PCDHGA9: variants seen among roughly 807,000 people sequenced by gnomAD.
PCDHGA9 encodes protocadherin gamma subfamily A, 9, also known as protocadherin gamma-A9.
Under a neutral mutation model 62.5 loss-of-function variants are expected in PCDHGA9, and 37 were observed. That is an observed-to-expected ratio of 0.59 (90% confidence interval 0.46 to 0.78). The LOEUF (loss-of-function observed/expected upper bound fraction) is 0.78. Among genes scored for constraint, PCDHGA9 ranks in the 30% least tolerant of loss-of-function variants. The pLI, the probability that PCDHGA9 is intolerant of heterozygous loss-of-function variation, is 0.00. For missense variants in PCDHGA9, 1,138 were observed against 1,166.2 expected (o/e 0.98, Z 0.35); for synonymous variants, 459 against 484.6 (o/e 0.95, Z 0.69).
chr5:141,414,702 A>G, intron 1 of PCDHGA9: 1 of 1,613,974 alleles, frequency 6.2e-7, no homozygotes, highest in Non-Finnish European at 8.5e-7. Context: ...CCTCATACAT[A>G]TCCATCAACT....
At chr5:141,481,356 T>A (rs1214829594) in intron 1 of PCDHGA9, among the ~76,000 whole-genome samples, 1 of 152,260 alleles carries the variant, frequency 6.6e-6, no homozygotes, top group East Asian at 1.9e-4. Context: ...CATCTACAGC[T>A]GTTCAATAGA....
At chr5:141,463,773 C>A (rs2099069188) in intron 1 of PCDHGA9, among the ~76,000 whole-genome samples, 1 of 152,088 alleles carries the variant, frequency 6.6e-6, no homozygotes, top group Non-Finnish European at 1.5e-5. Context: ...GGGTTAGAAT[C>A]CTGCACTGTC....
rs764579211 is a variant in PCDHGA9 at position 141,489,393 on chromosome 5, T to C, written c.2425-5414T>C. 1.9e-5 allele frequency: 30 copies of C among 1,614,098 alleles called. No individual in the cohort carries two copies. In the South Asian group the frequency reaches 3.3e-4, roughly 18 times the overall value. On this transcript the variant is annotated intron_variant, in intron 1 of 3. Coordinates refer to ENST00000573521, the MANE Select transcript of PCDHGA9 (RefSeq NM_018921.3). The surrounding 1 kb of genome is among the most constrained non-coding windows in gnomAD (Gnocchi z 4.5). ...CGCTGGTGGGGAATGTTGCTCAGGA[T>C]CTGGGCTTAAAGATGACAGATCTGT...
At chr5:141,460,596 C>G (rs930441447) in intron 1 of PCDHGA9, among the ~76,000 whole-genome samples, 2 of 151,986 alleles carry the variant, frequency 1.3e-5, no homozygotes, top group Non-Finnish European at 2.9e-5. Flanking sequence ...TTTCTGGGCT[C>G]TCTGTGTTAG....
chr5:141,489,405 G>A lies in PCDHGA9; in HGVS notation c.2425-5402G>A. ...ATGTTGCTCAGGATCTGGGCTTAAA[G>A]ATGACAGATCTGTTGAGCCGGCGGC... On this transcript the variant is annotated intron_variant, in intron 1 of 3. Transcript: ENST00000573521. This position sits in a 1 kb window ranked among gnomAD's most constrained non-coding sequence, Gnocchi z 4.5. The A allele has an allele frequency of 1.2e-6, 2 of 1,614,204 alleles. No individual in the cohort carries two copies. The highest frequency in any genetic ancestry group is 2.2e-5 in the South Asian group (2 of 91,088).
chr5:141,490,132 A>G lies in PCDHGA9; in HGVS notation c.2425-4675A>G, dbSNP rs1245562757. The G allele has an allele frequency of 3.7e-6, 6 of 1,614,102 alleles. No homozygotes were observed. In the African/African-American group the frequency reaches 4.0e-5, roughly 11 times the overall value. ...GCGGAACCTCTTTGGCCTAGACCCTAGCAGTGGGGCAATCCATGTGTTGGG... is the reference window on the plus strand; with the variant it reads ...GCGGAACCTCTTTGGCCTAGACCCTGGCAGTGGGGCAATCCATGTGTTGGG... On this transcript the variant is annotated intron_variant, in intron 1 of 3. Coordinates refer to ENST00000573521, the MANE Select transcript of PCDHGA9 (RefSeq NM_018921.3). The surrounding 1 kb of genome is among the most constrained non-coding windows in gnomAD (Gnocchi z 5.4).
At chr5:141,503,089 G>C (rs1352372525) in intron 2 of PCDHGA9, among the ~76,000 whole-genome samples, 2 of 151,590 alleles carry the variant, frequency 1.3e-5, no homozygotes, top group Non-Finnish European at 2.9e-5. Context: ...TCCTGACCTC[G>C]TGGTCTGCCC....
Position 141,403,652 on chromosome 5 carries a change from G to C in PCDHGA9, c.700G>C (p.Asp234His). ...STVRIHVTVLDTNDNAPVFAQ... is the reference protein window; with the variant it reads ...STVRIHVTVLHTNDNAPVFAQ... ...AGTGCGCATCCATGTGACAGTGTTG[G>C]ATACAAATGATAATGCCCCGGTTTT... Residue 234 changes from aspartate (D) to histidine (H), a missense_variant, in exon 1 of 4, where the codon GAT (aspartate) becomes CAT (histidine). Transcript: ENST00000573521. The C allele has an allele frequency of 6.2e-7, 1 of 1,613,908 alleles. No individual in the cohort carries two copies. The highest frequency in any genetic ancestry group is 1.1e-5 in the South Asian group (1 of 91,084).
intron 1 of PCDHGA9, chr5:141,408,084 G>A (rs564149257): frequency 7.5e-5 from 106 of 1,418,874 alleles, no homozygotes; most frequent in Middle Eastern, 2.5e-4. Context: ...CCAGCACAGC[G>A]GATTGCCAGC....
chr5:141,413,188 A>C, intron 1 of PCDHGA9: 4 of 1,606,680 alleles, frequency 2.5e-6, no homozygotes, highest in Non-Finnish European at 3.4e-6. Flanking sequence ...GGCCGCTCAA[A>C]GGAATCGCTC....
intron 1 of PCDHGA9, chr5:141,413,350 G>A: frequency 6.2e-7 from 1 of 1,613,974 alleles, no homozygotes; most frequent in Non-Finnish European, 8.5e-7. Context: ...CTTGGGTCTG[G>A]CGCCCCGGGA....
In PCDHGA9 at chr5:141,485,234, T is replaced by A. The variant is rs780126313; in HGVS notation, c.2425-9573T>A. 1 of 1,614,124 alleles carries A rather than the reference T, an allele frequency of 6.2e-7. No homozygotes were observed. The highest frequency in any genetic ancestry group is 1.1e-5 in the South Asian group (1 of 91,080). On this transcript the variant is annotated intron_variant, in intron 1 of 3. Transcript: ENST00000573521. This position sits in a 1 kb window ranked among gnomAD's most constrained non-coding sequence, Gnocchi z 5.7. ...GCGGTGGGCTACCCTTTTGTTCCTC[T>A]TTTACCACCTGGGTTACGTTTGTGG...
At chr5:141,408,308 T>C in intron 1 of PCDHGA9, 1 of 1,613,744 alleles carries the variant, frequency 6.2e-7, no homozygotes, top group South Asian at 1.1e-5. Flanking sequence ...GATCCGCTAC[T>C]CGATTCCGGA....
intron 3 of PCDHGA9, among the ~76,000 whole-genome samples, chr5:141,507,809 C>T (rs866898784): frequency 2.0e-5 from 3 of 152,206 alleles, no homozygotes; most frequent in Non-Finnish European, 2.9e-5. Flanking sequence ...CCCTGGGGAA[C>T]GGACCCTGGG....
Position 141,490,271 on chromosome 5 carries a change from A to G in PCDHGA9, c.2425-4536A>G, listed in dbSNP as rs750463186. 6.8e-6 allele frequency: 11 copies of G among 1,614,246 alleles called. No homozygotes were observed. Among genetic ancestry groups the G allele is most frequent in the Non-Finnish European group, 8.5e-6 (10 of 1,180,054 alleles). On this transcript the variant is annotated intron_variant, in intron 1 of 3. Coordinates refer to ENST00000573521, the MANE Select transcript of PCDHGA9 (RefSeq NM_018921.3). The surrounding 1 kb of genome is among the most constrained non-coding windows in gnomAD (Gnocchi z 5.4). The stretch of plus-strand genomic sequence containing the variant: ...ATTCAAGTGGATGTGGGGGATGTCA[A>G]TGACAATGCCCCAGAGGTGCTATTG...
intron 1 of PCDHGA9, among the ~76,000 whole-genome samples, chr5:141,444,400 A>G (rs1400847351): frequency 1.3e-5 from 2 of 151,536 alleles, no homozygotes; most frequent in Admixed American, 6.6e-5. Flanking sequence ...TGAACTCCCA[A>G]CCTCAGGTGA....
intron 1 of PCDHGA9, chr5:141,421,700 C>G: frequency 6.2e-7 from 1 of 1,613,900 alleles, no homozygotes; most frequent in Non-Finnish European, 8.5e-7. Context: ...CTTCCTAATG[C>G]TAGGGATCCA....
intron 2 of PCDHGA9, among the ~76,000 whole-genome samples, chr5:141,495,296 T>TCCTCCAGAG (rs998633800): frequency 1.3e-5 from 2 of 152,054 alleles, no homozygotes; most frequent in Non-Finnish European, 2.9e-5. Flanking sequence ...ACTCAGCGCC[T>TCCTCCAGAG]CCTCCAGAGC....
At position 141,486,045 on chromosome 5, in the gene PCDHGA9, A is replaced by G. The variant is rs2099623524; in HGVS notation, c.2425-8762A>G. The G allele has an allele frequency of 4.3e-6, 7 of 1,613,428 alleles. No individual in the cohort carries two copies. The highest frequency in any genetic ancestry group is 5.1e-6 in the Non-Finnish European group (6 of 1,179,858). ...GGTCATACCCCTGATCGTGTAAGAA[A>G]CCTCTTTAGCCTGCACCCCACTACT... On this transcript the variant is annotated intron_variant, in intron 1 of 3. Coordinates refer to ENST00000573521, the MANE Select transcript of PCDHGA9 (RefSeq NM_018921.3). This position sits in a 1 kb window ranked among gnomAD's most constrained non-coding sequence, Gnocchi z 5.0.
Sources: allele counts gnomAD v4.1 joint callset (sites outside exome capture counted in the v4.1 genomes callset), GRCh38; gene constraint gnomAD v4.1.1; non-coding constraint Gnocchi (gnomAD v3.1); transcripts MANE v1.5; gene names NCBI Gene and HGNC (gene_info 2026-07-23, HGNC 2026-07-21).